The following ZNF536 variants were observed in gnomAD, a reference collection of about 807,000 sequenced individuals.
ZNF536 encodes zinc finger protein 536.
ZNF536 carries 13 observed loss-of-function variants against 84.5 expected under a neutral mutation model. The observed-to-expected ratio is 0.15, with a 90% confidence interval of 0.10 to 0.24. ZNF536 has a LOEUF of 0.24. Among genes scored for constraint, ZNF536 ranks in the 10% least tolerant of loss-of-function variants. ZNF536 has a pLI of 1.00. For synonymous variants in ZNF536, 811 were observed against 742.5 expected, an observed-to-expected ratio of 1.09 and a Z score of -1.50; for missense variants, 1,536 against 1,747.5, an observed-to-expected ratio of 0.88 and a Z score of 2.16.
At chr19:30,669,849 T>A (rs919965829) in intron 1 of ZNF536, among the ~76,000 whole-genome samples, 2 of 152,218 alleles carry the variant, frequency 1.3e-5, no homozygotes, top group East Asian at 3.9e-4. Context: ...GTATTCATTG[T>A]GGCAATGTGC....
At chr19:30,544,669 G>T (rs748264498) in intron 3 of ZNF536, among the ~76,000 whole-genome samples, 1 of 152,172 alleles carries the variant, frequency 6.6e-6, no homozygotes, top group Admixed American at 6.5e-5. Context: ...GGAGGTTTCA[G>T]GTGTTTATTC....
chr19:30,509,323 A>G (rs906653962), intron 2 of ZNF536, among the ~76,000 whole-genome samples: 13 of 148,458 alleles, frequency 8.8e-5, no homozygotes, highest in Admixed American at 7.4e-4. Context: ...ATATATAACT[A>G]CGTATGTATA....
chr19:30,395,111 G>T (rs2049761064), intron 1 of ZNF536, among the ~76,000 whole-genome samples: 1 of 152,158 alleles, frequency 6.6e-6, no homozygotes, highest in African/African-American at 2.4e-5. Context: ...GGCTTTCGTT[G>T]TGTACAAAGG....
At chr19:30,351,330 TATGGTTTCAAAGA>T (rs1229258311) in intron 2 of ZNF536, among the ~76,000 whole-genome samples, 4 of 152,228 alleles carry the variant, frequency 2.6e-5, no homozygotes, top group Admixed American at 6.5e-5. Flanking sequence ...GCTTCCAGTA[TATGGTTTCAAAGA>T]ATGCACTTTT....
intron 1 of ZNF536, among the ~76,000 whole-genome samples, chr19:30,661,556 C>T (rs1215903666): frequency 6.6e-6 from 1 of 152,190 alleles, no homozygotes; most frequent in East Asian, 1.9e-4. Flanking sequence ...TTCCCTCTCA[C>T]CCAGCAATTC....
At chr19:30,531,918 C>T (rs993169538) in intron 2 of ZNF536, among the ~76,000 whole-genome samples, 6 of 152,028 alleles carry the variant, frequency 3.9e-5, no homozygotes, top group Non-Finnish European at 7.4e-5. Flanking sequence ...CACCACCACA[C>T]CTGGCCTCCA....
chr19:30,268,594 C>T (rs966699506), intron 1 of ZNF536, among the ~76,000 whole-genome samples: 11 of 152,164 alleles, frequency 7.2e-5, no homozygotes, highest in Non-Finnish European at 8.8e-5. Context: ...CGATCTATAA[C>T]GACTTCCTTC....
chr19:30,696,080 TC>T (rs1230774224), intron 1 of ZNF536, among the ~76,000 whole-genome samples: 1 of 152,216 alleles, frequency 6.6e-6, no homozygotes, highest in Admixed American at 6.5e-5. Flanking sequence ...AATACACAAC[TC>T]TAGCTTTGTT....
At chr19:30,676,286 A>G (rs2050751288) in intron 1 of ZNF536, among the ~76,000 whole-genome samples, 1 of 152,352 alleles carries the variant, frequency 6.6e-6, no homozygotes, top group African/African-American at 2.4e-5. Flanking sequence ...CAAGATGAAC[A>G]TGAACCTTTG....
intron 1 of ZNF536, among the ~76,000 whole-genome samples, chr19:30,685,674 A>G (rs2051149118): frequency 6.6e-6 from 1 of 152,176 alleles, no homozygotes; most frequent in Admixed American, 6.5e-5. Flanking sequence ...TACATATTAC[A>G]TAATCTGTCA....
intron 1 of ZNF536, among the ~76,000 whole-genome samples, chr19:30,613,885 C>G (rs1283472532): frequency 2.0e-5 from 3 of 152,172 alleles, no homozygotes; most frequent in African/African-American, 7.2e-5. Context: ...TTTTCTGAGA[C>G]AGTGTATCAC....
At chr19:30,263,331 G>A (rs1372454743) in intron 1 of ZNF536, among the ~76,000 whole-genome samples, 1 of 152,102 alleles carries the variant, frequency 6.6e-6, no homozygotes, top group East Asian at 1.9e-4. Context: ...CTGGAACCCG[G>A]AGCCCCTACA....
intron 2 of ZNF536, among the ~76,000 whole-genome samples, chr19:30,288,792 T>G (rs976893266): frequency 6.6e-6 from 1 of 152,234 alleles, no homozygotes; most frequent in Non-Finnish European, 1.5e-5. Context: ...AAGTAGGCAT[T>G]TAGTACAAGC....
intron 1 of ZNF536, among the ~76,000 whole-genome samples, chr19:30,701,277 G>C (rs965654275): frequency 9.2e-5 from 7 of 75,844 alleles, no homozygotes; most frequent in Non-Finnish European, 2.0e-4. Flanking sequence ...AGACACAGAC[G>C]CATACAAACA....
chr19:30,489,723 TAGAA>T (rs2054434664), intron 2 of ZNF536, among the ~76,000 whole-genome samples: 1 of 152,262 alleles, frequency 6.6e-6, no homozygotes, highest in Admixed American at 6.5e-5. Context: ...TAAATATGAT[TAGAA>T]AGAAGTCTAT....
chr19:30,369,077 A>G (rs1057049334), upstream of ZNF536, among the ~76,000 whole-genome samples: 12 of 152,276 alleles, frequency 7.9e-5, no homozygotes, highest in Non-Finnish European at 1.2e-4. Context: ...CAGACGCCAC[A>G]CTACCTTGCT....
chr19:30,549,122 A>G lies in ZNF536; in HGVS notation c.3503A>G (p.Glu1168Gly). ...TDDLSDIASS[E>G]DMDSSKGENN... ...GACCTCTCTGACATTGCCTCCTCAG[A>G]GGACATGGACTCCTCCAAGGGGGAG... The change falls in exon 4 of 5, where the codon GAG (glutamate) becomes GGG (glycine). Residue 1168 changes from glutamate to glycine, a missense_variant. Physicochemically the swap from Glu to Gly is moderately conservative, Grantham distance 98. Transcript: ENST00000355537. The G allele has an allele frequency of 6.2e-7, 1 of 1,614,130 alleles. No individual in the cohort carries two copies. Among genetic ancestry groups the G allele is most frequent in the Non-Finnish European group, 8.5e-7 (1 of 1,180,038 alleles).
In ZNF536 at chr19:30,445,599, G is replaced by A. The variant is rs375193702; in HGVS notation, c.2037G>A (p.Glu679=). Residue 679 remains glutamate (E), a synonymous_variant, in exon 2 of 5, where the codon GAG becomes GAA. Transcript: ENST00000355537. This position sits in a 1 kb window ranked among gnomAD's most constrained non-coding sequence, Gnocchi z 4.5. The part of the protein sequence containing the change: ...DERRGSGSDQ[E]SQSVSRSTTP... ...GGCGTGGCTCGGGCAGTGACCAGGA[G>A]TCCCAGTCGGTGAGCCGCTCCACCA... 66 of 1,612,866 alleles carry A rather than the reference G, an allele frequency of 4.1e-5. No homozygotes were observed. Among genetic ancestry groups the A allele is most frequent in the Non-Finnish European group, 5.2e-5 (61 of 1,179,694 alleles).
At chr19:30,604,703 G>A (rs570560385) in intron 1 of ZNF536, among the ~76,000 whole-genome samples, 6 of 152,260 alleles carry the variant, frequency 3.9e-5, no homozygotes, top group African/African-American at 1.4e-4. Flanking sequence ...TGAGTTTGTG[G>A]GTCTTGGGAA....
Sources: allele counts gnomAD v4.1 joint callset (sites outside exome capture counted in the v4.1 genomes callset), GRCh38; gene constraint gnomAD v4.1.1; non-coding constraint Gnocchi (gnomAD v3.1); transcripts MANE v1.5; gene names NCBI Gene and HGNC (gene_info 2026-07-23, HGNC 2026-07-21).